CILK1: variants seen among roughly 807,000 people sequenced by gnomAD.
CILK1 encodes the protein ciliogenesis associated kinase 1.
A neutral mutation model predicts 79.2 loss-of-function variants in CILK1; 47 were observed. That is an observed-to-expected ratio of 0.59 (90% confidence interval 0.47 to 0.76). CILK1 has a LOEUF of 0.76. Among genes scored for constraint, CILK1 ranks in the 30% least tolerant of loss-of-function variants. CILK1 has a pLI of 0.00. For synonymous variants in CILK1, 266 were observed against 275.9 expected, an observed-to-expected ratio of 0.96 and a Z score of 0.36; for missense variants, 660 against 769.5, an observed-to-expected ratio of 0.86 and a Z score of 1.68.
Position 53,011,836 on chromosome 6 carries a change from C to A in CILK1, c.1425G>T (p.Arg475=). Residue 475 remains arginine, a synonymous_variant, in exon 11 of 14, where the codon CGG becomes CGT. Transcript: ENST00000676107. ...NSAPTQTSYQ[R]RDTPTLRSAA... ...CAGATCTCAGGGTGGGCGTGTCTCG[C>A]CGCTGATATGACGTCTGGGTGGGGG... 6.2e-7 allele frequency: 1 copy of A among 1,614,152 alleles called. No individual in the cohort carries two copies. The highest frequency in any genetic ancestry group is 1.1e-5 in the South Asian group (1 of 91,070).
At position 53,004,449 on chromosome 6, in the gene CILK1, C is replaced by A. The variant is rs1390375436; in HGVS notation, c.*700G>T. 1 of 152,118 alleles carries A rather than the reference C, an allele frequency of 6.6e-6. No homozygotes were observed. The highest frequency in any genetic ancestry group is 1.5e-5 in the Non-Finnish European group (1 of 68,026). 9.4% of individuals were successfully genotyped at this position (152,118 alleles called of 1,614,324 possible). On this transcript the variant is annotated 3_prime_UTR_variant, in exon 14 of 14. Coordinates refer to ENST00000676107, the MANE Select transcript of CILK1 (RefSeq NM_014920.5). ...GCTTGGTTTCATCTGAGATCTGCAACCACATTAAAGGGTGTCAGAAAAATT... is the reference window on the plus strand; with the variant it reads ...GCTTGGTTTCATCTGAGATCTGCAAACACATTAAAGGGTGTCAGAAAAATT...
rs962264803 is a variant in CILK1 at position 53,005,295 on chromosome 6, A to T, written c.1753T>A (p.Ser585Thr). 6.2e-7 allele frequency: 1 copy of T among 1,614,074 alleles called. No individual in the cohort carries two copies. Among genetic ancestry groups the T allele is most frequent in the African/African-American group, 1.3e-5 (1 of 74,922 alleles). Reference sequence around the variant, plus strand: ...GGATGAGGTCTCATGGCCTTCAGGGAGGAATAACCTGCAATGAAAGAAAAA... The same window carrying T: ...GGATGAGGTCTCATGGCCTTCAGGGTGGAATAACCTGCAATGAAAGAAAAA... Reference protein sequence around the residue: ...PIPDPSPGYSSLKAMRPHPGR... With the variant: ...PIPDPSPGYSTLKAMRPHPGR... Residue 585 changes from serine (S) to threonine (T), a missense_variant, in exon 14 of 14, where the codon TCC becomes ACC. Coordinates refer to ENST00000676107, the MANE Select transcript of CILK1 (RefSeq NM_014920.5).
intron 5 of CILK1, among the ~76,000 whole-genome samples, chr6:53,023,630 C>T (rs958268543): frequency 2.0e-5 from 3 of 152,144 alleles, no homozygotes; most frequent in African/African-American, 7.2e-5. Flanking sequence ...ATCTATTAGT[C>T]AAGGTTGTTT....
chr6:53,013,999 G>A lies in CILK1; in HGVS notation c.832-17C>T. On this transcript the variant is annotated splice_polypyrimidine_tract_variant and intron_variant, in intron 8 of 13. Transcript: ENST00000676107. ...TCGAAGTGCCTGGAATGACAAATAA[G>A]GCTTTAGGAGAAAAGTCTAGCCAGG... is the stretch of plus-strand genomic sequence containing the variant. 6.2e-7 allele frequency: 1 copy of A among 1,601,702 alleles called. No individual in the cohort carries two copies. Among genetic ancestry groups the A allele is most frequent in the East Asian group, 2.2e-5 (1 of 44,814 alleles).
chr6:53,056,330 C>T (rs146380557), intron 1 of CILK1, among the ~76,000 whole-genome samples: 24 of 152,274 alleles, frequency 1.6e-4, no homozygotes, highest in African/African-American at 4.8e-4. Flanking sequence ...GGGATAAGCA[C>T]GTTTTTTCTG....
rs940224033 is a variant in CILK1, at chr6:53,002,276, C to CCTT, written c.*2870_*2872dup. On this transcript the variant is annotated 3_prime_UTR_variant, in exon 14 of 14. Coordinates refer to ENST00000676107, the MANE Select transcript of CILK1 (RefSeq NM_014920.5). ...GGCACATCAATACCCCTACAACGCA[C>CCTT]CTTCGTCACTGAATTTCTGTCTCAT... is the stretch of plus-strand genomic sequence containing the variant. 1.1e-4 allele frequency: 16 copies of CCTT among 152,172 alleles called. No homozygotes were observed. Among genetic ancestry groups the CCTT allele is most frequent in the African/African-American group, 3.9e-4 (16 of 41,420 alleles). The allele number at this position is 152,172 out of a possible 1,614,324, so 9.4% of individuals were successfully genotyped here.
chr6:53,013,092 G>A (rs1259193884), intron 9 of CILK1, among the ~76,000 whole-genome samples: 1 of 152,152 alleles, frequency 6.6e-6, no homozygotes, highest in Admixed American at 6.5e-5. Context: ...AAACATCATG[G>A]CCTTTGATCC....
At chr6:53,010,019 T>C (rs940193181) in intron 11 of CILK1, among the ~76,000 whole-genome samples, 1 of 152,228 alleles carries the variant, frequency 6.6e-6, no homozygotes, top group African/African-American at 2.4e-5. Context: ...CCACAGGCAC[T>C]GCAGCTTTTT....
At chr6:53,046,423 C>T (rs985347246) in intron 1 of CILK1, among the ~76,000 whole-genome samples, 5 of 152,190 alleles carry the variant, frequency 3.3e-5, no homozygotes, top group Non-Finnish European at 7.3e-5. Flanking sequence ...TAGATTATCA[C>T]TGGGAAAGCT....
At position 53,008,427 on chromosome 6, in the gene CILK1, C is replaced by CTT. The variant is rs1318627320; in HGVS notation, c.1621+1010_1621+1011dup. On this transcript the variant is annotated intron_variant, in intron 12 of 13. Coordinates refer to ENST00000676107, the MANE Select transcript of CILK1 (RefSeq NM_014920.5). The stretch of plus-strand genomic sequence containing the variant: ...CTTCATGTGTATTTGCCAAGTTCAA[C>CTT]TTTTTTTTTTTTTTTTGAGACAGAA... 1.6e-4 allele frequency among the ~76,000 whole-genome samples: 23 copies of CTT among 140,608 alleles called. No homozygotes were observed. The East Asian group carries it at 1.8e-3, about 11-fold the overall frequency. 92.2% of individuals were successfully genotyped at this position (140,608 alleles called of 152,430 possible).
intron 3 of CILK1, among the ~76,000 whole-genome samples, chr6:53,035,988 G>A (rs535467023): frequency 1.3e-5 from 2 of 152,264 alleles, no homozygotes; most frequent in African/African-American, 2.4e-5. Flanking sequence ...GATCCCAGTT[G>A]GCAGCCGATG....
At chr6:53,019,381 A>G in intron 5 of CILK1, 22 bp from the exon 6 acceptor site, 1 of 1,613,688 alleles carries the variant, frequency 6.2e-7, no homozygotes, top group Non-Finnish European at 8.5e-7. Context: ...GTAGAGGAGA[A>G]GAAATCCAAA....
At chr6:53,035,208 A>G (rs1031353575) in intron 3 of CILK1, among the ~76,000 whole-genome samples, 2 of 152,106 alleles carry the variant, frequency 1.3e-5, no homozygotes, top group Admixed American at 6.5e-5. Context: ...TTTGGAAGGT[A>G]ATGTAAGAAA....
chr6:53,029,929 G>C (rs988415246), intron 5 of CILK1, among the ~76,000 whole-genome samples: 2 of 152,138 alleles, frequency 1.3e-5, no homozygotes, highest in African/African-American at 4.8e-5. Context: ...CTCCTGAGAA[G>C]ACTTCTGGCC....
intron 3 of CILK1, among the ~76,000 whole-genome samples, chr6:53,035,242 G>A (rs926207090): frequency 6.6e-6 from 1 of 152,048 alleles, no homozygotes; most frequent in Non-Finnish European, 1.5e-5. Context: ...AAACTCAAGG[G>A]GAGAAGGGCT....
intron 9 of CILK1, among the ~76,000 whole-genome samples, chr6:53,013,049 A>C (rs1025357753): frequency 2.8e-4 from 43 of 152,364 alleles, no homozygotes; most frequent in Admixed American, 4.6e-4. Context: ...ACAAATATTA[A>C]CACAGCGCTT....
Position 53,019,328 on chromosome 6 carries a change from G to C in CILK1, c.390C>G (p.Asn130Lys). 6.2e-7 allele frequency: 1 copy of C among 1,614,106 alleles called. No homozygotes were observed. The highest frequency in any genetic ancestry group is 8.5e-7 in the Non-Finnish European group (1 of 1,179,966). The change falls in exon 6 of 14, where the codon AAC (asparagine) becomes AAG (lysine). Residue 130 changes from asparagine (N) to lysine (K), a missense_variant. Transcript: ENST00000676107. The part of the protein sequence containing the change: ...GFFHRDLKPE[N>K]LLCMGPELVK... ...CAAGTTCTGGTCCCATGCAGAGGAG[G>C]TTCTCAGGCTTTAAGTCTCGATGAA...
intron 3 of CILK1, among the ~76,000 whole-genome samples, chr6:53,036,136 A>C (rs900413916): frequency 7.9e-5 from 12 of 152,206 alleles, no homozygotes; most frequent in Non-Finnish European, 2.9e-5. Context: ...TAAACTGTAT[A>C]TATGAGTAAT....
chr6:53,028,520 C>T (rs1765724716), intron 5 of CILK1, among the ~76,000 whole-genome samples: 1 of 152,118 alleles, frequency 6.6e-6, no homozygotes, highest in African/African-American at 2.4e-5. Flanking sequence ...TTTGTAAAGA[C>T]TAGATAACAC....
Sources: allele counts gnomAD v4.1 joint callset (sites outside exome capture counted in the v4.1 genomes callset), GRCh38; gene constraint gnomAD v4.1.1; transcripts MANE v1.5; gene names NCBI Gene and HGNC (gene_info 2026-07-23, HGNC 2026-07-21).